Variants in PREX2 observed in about 807,000 individuals in gnomAD.
PREX2 encodes the protein phosphatidylinositol-3,4,5-trisphosphate dependent Rac exchange factor 2.
In PREX2, 107 loss-of-function variants were observed where a neutral mutation model predicts 203.2. The observed-to-expected ratio is 0.53, with a 90% confidence interval of 0.45 to 0.62. PREX2 has a LOEUF of 0.62. Among genes scored for constraint, PREX2 ranks in the 20% least tolerant of loss-of-function variants. The probability of loss-of-function intolerance (pLI) is 0.00; values close to 1 mark genes in which losing one functional copy is unlikely to be tolerated. For synonymous variants in PREX2, 672 were observed against 663.6 expected (o/e 1.01, Z -0.19); for missense variants, 1,777 against 1,955.9 (o/e 0.91, Z 1.72).
Position 68,060,825 on chromosome 8 carries a change from A to G in PREX2, c.1339+46A>G, listed in dbSNP as rs200517348. ...TACTTATTTAATGCATTTATTGGCC[A>G]TATGTATCTTAATCCCATTTATCAG... On this transcript the variant is annotated intron_variant, in intron 11 of 39. Coordinates refer to ENST00000288368, the MANE Select transcript of PREX2 (RefSeq NM_024870.4). 99 of 1,228,344 alleles carry G rather than the reference A, an allele frequency of 8.1e-5. No homozygotes were observed. The African/African-American group carries it at 1.2e-3, about 15-fold the overall frequency. The allele number at this position is 1,228,344 out of a possible 1,614,324, so 76.1% of individuals were successfully genotyped here.
In PREX2 at chr8:68,217,637, G is replaced by A. The variant is rs1339196619; in HGVS notation, c.4626G>A (p.Leu1542=). ...GVHRCTLSVT[L]EQAIILARSH... is the part of the protein sequence containing the mutation. ...ACAGGTGCACCCTGAGCGTGACGCT[G>A]GAGCAAGCCATCATTCTGGCCAGAA... is the stretch of plus-strand genomic sequence containing the variant. Residue 1542 remains leucine, a synonymous_variant, in exon 38 of 40, where the codon CTG becomes CTA. Coordinates refer to ENST00000288368, the MANE Select transcript of PREX2 (RefSeq NM_024870.4). The A allele has an allele frequency of 1.2e-6, 2 of 1,613,986 alleles. No individual in the cohort carries two copies. The highest frequency in any genetic ancestry group is 1.7e-6 in the Non-Finnish European group (2 of 1,179,982).
intron 34 of PREX2, among the ~76,000 whole-genome samples, chr8:68,147,098 T>C (rs968735501): frequency 1.3e-5 from 2 of 152,182 alleles, no homozygotes; most frequent in Non-Finnish European, 2.9e-5. Context: ...ATGTGTGTCA[T>C]GTCACAAGAT....
chr8:67,953,180 G>GC (rs1805404054), intron 1 of PREX2, among the ~76,000 whole-genome samples: 1 of 45,888 alleles, frequency 2.2e-5, no homozygotes. Context: ...CCTCCCCCCC[G>GC]CCCCCCGCCC....
intron 18 of PREX2, among the ~76,000 whole-genome samples, chr8:68,084,123 C>A (rs2129612012): frequency 6.6e-6 from 1 of 152,246 alleles, no homozygotes; most frequent in Middle Eastern, 3.4e-3. Flanking sequence ...AAGACATGGG[C>A]TTTTCTTGTG....
chr8:68,202,085 A>G (rs1812517108), intron 37 of PREX2, among the ~76,000 whole-genome samples: 2 of 150,834 alleles, frequency 1.3e-5, no homozygotes, highest in Non-Finnish European at 2.9e-5. Flanking sequence ...TATTTTTCGT[A>G]GAGACAGGGT....
chr8:68,093,623 G>C lies in PREX2; in HGVS notation c.2269G>C (p.Val757Leu). ...TTTCCAGCAAGATTCCATACAATGG[G>C]TTTATAATAGCATTGAGAGTGCTCA... ...RPTKQDSIQW[V>L]YNSIESAQED... The change falls in exon 21 of 40, where the codon GTT becomes CTT. Residue 757 changes from valine (V) to leucine (L), a missense_variant. Val to Leu is a conservative substitution (Grantham distance 32, BLOSUM62 1). Transcript: ENST00000288368. 1 of 1,597,354 alleles carries C rather than the reference G, an allele frequency of 6.3e-7. No homozygotes were observed. Among genetic ancestry groups the C allele is most frequent in the Non-Finnish European group, 8.6e-7 (1 of 1,166,430 alleles).
chr8:68,067,699 A>T (rs1198881346), intron 11 of PREX2, among the ~76,000 whole-genome samples: 1 of 152,032 alleles, frequency 6.6e-6, no homozygotes, highest in Non-Finnish European at 1.5e-5. Flanking sequence ...TTCCAATTGA[A>T]TGTCTTTTAT....
chr8:68,146,309 A>G lies in PREX2; in HGVS notation c.4188A>G (p.Lys1396=). The change falls in exon 34 of 40, where the codon AAA becomes AAG. Residue 1396 remains lysine, a synonymous_variant. Transcript: ENST00000288368. The part of the protein sequence containing the change: ...YHFEQLPQRL[K]NGGGFKIHPV... ...TTGAACAACTTCCTCAACGGCTGAA[A>G]AATGGAGGAGGGTTTAAAATTCATC... is the stretch of plus-strand genomic sequence containing the variant. 1 of 1,613,058 alleles carries G rather than the reference A, an allele frequency of 6.2e-7. No homozygotes were observed. The highest frequency in any genetic ancestry group is 8.5e-7 in the Non-Finnish European group (1 of 1,179,490).
At chr8:68,069,758 A>G in intron 12 of PREX2, 77 bp from the exon 13 acceptor site, 1 of 662,722 alleles carries the variant, frequency 1.5e-6, no homozygotes. Context: ...CAGTGAATTA[A>G]TTTGTTACTT....
intron 37 of PREX2, among the ~76,000 whole-genome samples, chr8:68,209,102 GA>G (rs1001769993): frequency 2.1e-5 from 3 of 145,910 alleles, no homozygotes; most frequent in South Asian, 2.2e-4. Context: ...AAAGAAAAAA[GA>G]AAAAAAGGAA....
At chr8:68,126,761 AC>A (rs1810897777) in intron 30 of PREX2, among the ~76,000 whole-genome samples, 1 of 152,094 alleles carries the variant, frequency 6.6e-6, no homozygotes, top group Non-Finnish European at 1.5e-5. Flanking sequence ...CTCATTGGAC[AC>A]CTAGCAATTC....
At chr8:68,178,812 A>G (rs1812031272) in intron 35 of PREX2, among the ~76,000 whole-genome samples, 1 of 152,122 alleles carries the variant, frequency 6.6e-6, no homozygotes, top group African/African-American at 2.4e-5. Flanking sequence ...ATATGCTTAC[A>G]GTAAGGAAGG....
chr8:68,194,151 TATTC>T (rs1162728657), intron 37 of PREX2, among the ~76,000 whole-genome samples: 1 of 152,218 alleles, frequency 6.6e-6, no homozygotes, highest in African/African-American at 2.4e-5. Flanking sequence ...GGTCTGTTCC[TATTC>T]ATTCATTCAT....
intron 35 of PREX2, among the ~76,000 whole-genome samples, chr8:68,174,514 A>G (rs1214707871): frequency 1.3e-5 from 2 of 151,998 alleles, no homozygotes; most frequent in African/African-American, 2.4e-5. Flanking sequence ...AATGACATCC[A>G]TTTCACTTTC....
chr8:68,168,963 T>C (rs1329866705), intron 35 of PREX2, among the ~76,000 whole-genome samples: 1 of 152,098 alleles, frequency 6.6e-6, no homozygotes, highest in Admixed American at 6.5e-5. Context: ...GAAAGCATTG[T>C]TTAGATTATA....
intron 35 of PREX2, among the ~76,000 whole-genome samples, chr8:68,161,315 G>A (rs904996891): frequency 1.3e-5 from 2 of 151,866 alleles, no homozygotes; most frequent in South Asian, 2.1e-4. Flanking sequence ...GGCTGGTCTC[G>A]AACTCCTGAC....
chr8:68,118,082 G>A (rs759850402), intron 26 of PREX2, among the ~76,000 whole-genome samples: 60 of 152,262 alleles, frequency 3.9e-4, no homozygotes, highest in Non-Finnish European at 6.9e-4. Context: ...TTGGCCGGGC[G>A]TGGTGGCTCA....
At chr8:67,991,812 A>G (rs1475822301) in intron 1 of PREX2, among the ~76,000 whole-genome samples, 5 of 152,194 alleles carry the variant, frequency 3.3e-5, no homozygotes, top group Admixed American at 2.6e-4. Context: ...CTGACACTCA[A>G]CTTTAGCCAA....
At chr8:68,118,772 A>G (rs903233860) in intron 27 of PREX2, 128 bp downstream of exon 27, 22 of 782,114 alleles carry the variant, frequency 2.8e-5, no homozygotes, top group Non-Finnish European at 4.9e-5. Context: ...CTCTGTGGCC[A>G]CACATACTGC....
Sources: gnomAD v4.1 joint callset for allele counts (sites outside exome capture counted in the v4.1 genomes callset) on GRCh38, gnomAD v4.1.1 for gene constraint, MANE v1.5 for transcripts, NCBI Gene and HGNC (gene_info 2026-07-23, HGNC 2026-07-21) for gene names.